Variants in TPTE2 observed in about 807,000 individuals in gnomAD.
The protein encoded by TPTE2 is phosphatidylinositol 3,4,5-trisphosphate 3-phosphatase TPTE2.
TPTE2 carries 53 observed loss-of-function variants against 78.6 expected under a neutral mutation model. The observed-to-expected ratio is 0.67, with a 90% CI of 0.54 to 0.85. The LOEUF is 0.85. Ranked by LOEUF, TPTE2 falls within the 40% of genes least tolerant of loss-of-function variation. The pLI is 0.00. For synonymous variants in TPTE2, 175 were observed against 206.2 expected (o/e 0.85, Z 1.30); for missense variants, 461 against 623.0 (o/e 0.74, Z 2.77).
exon 16 of TPTE2, chr13:19,432,564 T>C (rs1421819896): frequency 2.5e-6 from 4 of 1,598,398 alleles, no homozygotes; most frequent in Non-Finnish European, 2.6e-6. Flanking sequence ...GTGCAAAATA[T>C]CCAACATATC....
chr13:19,499,429 C>A (rs1881615350), intron 1 of TPTE2, among the ~76,000 whole-genome samples: 1 of 147,254 alleles, frequency 6.8e-6, no homozygotes, highest in African/African-American at 2.5e-5. Context: ...TGTAAAAGAA[C>A]AGAAATTATA....
chr13:19,545,505 C>G, the TPTE2 span, among the ~76,000 whole-genome samples: 2 of 152,184 alleles, frequency 1.3e-5, no homozygotes, highest in African/African-American at 4.8e-5. Flanking sequence ...AATGGTGAGA[C>G]AGCCCCCTCA....
intron 4 of TPTE2, among the ~76,000 whole-genome samples, chr13:19,476,184 C>A (rs1029300995): frequency 6.6e-6 from 1 of 152,014 alleles, no homozygotes; most frequent in Non-Finnish European, 1.5e-5. Context: ...AGATATACTT[C>A]AAAGGACAAA....
intron 17 of TPTE2, 37 bp from the exon 21 acceptor site, chr13:19,426,554 T>C (rs780742050): frequency 1.6e-6 from 2 of 1,278,394 alleles, no homozygotes; most frequent in Non-Finnish European, 2.3e-6. Context: ...ACTACAAACC[T>C]AGATAACGAT....
chr13:19,546,760 G>A, the TPTE2 span, among the ~76,000 whole-genome samples: 1 of 151,898 alleles, frequency 6.6e-6, no homozygotes, highest in African/African-American at 2.4e-5. Flanking sequence ...AAAGTGCTGG[G>A]ACTACAGGCA....
At position 19,465,365 on chromosome 13, in the gene TPTE2, A is replaced by C. The variant is rs752958085; in HGVS notation, c.613-47T>G. The C allele has an allele frequency of 2.0e-5, 33 of 1,612,704 alleles. No homozygotes were observed. In the African/African-American group the frequency reaches 4.1e-4, roughly 20 times the overall value. Reference sequence around the variant, plus strand: ...TAGTTTGTGAAACATTCATCAACATAAAAATAAAAAACATTATACAGTATA... The same window carrying C: ...TAGTTTGTGAAACATTCATCAACATCAAAATAAAAAACATTATACAGTATA... On this transcript the variant is annotated intron_variant, in intron 8 of 19. Coordinates refer to ENST00000400230, the Ensembl canonical transcript of TPTE2.
chr13:19,482,868 T>C (rs1489868174), intron 3 of TPTE2, among the ~76,000 whole-genome samples: 2 of 151,436 alleles, frequency 1.3e-5, no homozygotes, highest in Non-Finnish European at 2.9e-5. Flanking sequence ...AATATAGGTA[T>C]AGACATATAT....
At chr13:19,559,616 T>C in the TPTE2 span, among the ~76,000 whole-genome samples, 1 of 151,606 alleles carries the variant, frequency 6.6e-6, no homozygotes, top group East Asian at 2.0e-4. Context: ...AGTCCCACTC[T>C]GCTCTGAAGA....
chr13:19,560,998 G>A, the TPTE2 span: 33 of 1,578,640 alleles, frequency 2.1e-5, no homozygotes, highest in South Asian at 3.5e-5. Flanking sequence ...AGTGGTAGCC[G>A]GAGGCCACGT....
At chr13:19,557,712 G>A in the TPTE2 span, among the ~76,000 whole-genome samples, 2 of 152,042 alleles carry the variant, frequency 1.3e-5, no homozygotes, top group South Asian at 4.2e-4. Context: ...GCAGGATCCA[G>A]GCCAATGACA....
At chr13:19,480,799 A>G (rs1460982191) in intron 4 of TPTE2, among the ~76,000 whole-genome samples, 1 of 152,200 alleles carries the variant, frequency 6.6e-6, no homozygotes, top group Non-Finnish European at 1.5e-5. Context: ...ATCAATATCA[A>G]TAGCGTCACA....
At chr13:19,463,096 G>C (rs1338250296) in intron 10 of TPTE2, among the ~76,000 whole-genome samples, 1 of 150,880 alleles carries the variant, frequency 6.6e-6, no homozygotes, top group Non-Finnish European at 1.5e-5. Flanking sequence ...CAATTCTCGT[G>C]TCTCAGCCTC....
chr13:19,465,484 T>C (rs1305168994), exon 8 of TPTE2: 2 of 1,609,524 alleles, frequency 1.2e-6, no homozygotes, highest in African/African-American at 1.3e-5. Context: ...CATCAGCTTT[T>C]CAAGTTGTCT....
In TPTE2 at chr13:19,533,211, C is replaced by T. The variant is rs1009627949; in HGVS notation, c.-44+3385G>A. Reference sequence around the variant, plus strand: ...ACAGAGAAAACTCATTAAGAGTGTCCACTCATTTGGACATACCCAGAGTCC... The same window carrying T: ...ACAGAGAAAACTCATTAAGAGTGTCTACTCATTTGGACATACCCAGAGTCC... On this transcript the variant is annotated intron_variant, in intron 1 of 17. Coordinates refer to the TPTE2 transcript ENST00000390680. 1.1e-4 allele frequency among the ~76,000 whole-genome samples: 17 copies of T among 152,172 alleles called. 1 individual carries two copies. The highest frequency in any genetic ancestry group is 4.1e-4 in the African/African-American group (17 of 41,502).
intron 1 of TPTE2, among the ~76,000 whole-genome samples, chr13:19,500,402 T>C (rs1449362969): frequency 6.6e-6 from 1 of 152,058 alleles, no homozygotes; most frequent in South Asian, 2.1e-4. Context: ...AAATCCTCAA[T>C]ACAATACTGG....
At chr13:19,503,395 G>T, upstream of TPTE2, 1 of 1,051,458 alleles carries the variant, frequency 9.5e-7, no homozygotes, top group Non-Finnish European at 1.4e-6. Context: ...CTATTCATGT[G>T]TATAGCACTA....
At position 19,430,513 on chromosome 13, in the gene TPTE2, CAT is replaced by C; in HGVS notation, c.1255_1256del (p.Met419GlyfsTer19). On this transcript the variant is annotated frameshift_variant, in exon 17 of 20. Transcript: ENST00000400230. LOFTEE classifies it high-confidence loss of function. ...TACTGGAAAAGACAACCTTTTTCTC[CAT>C]TACTACTTGGACTTTTAGATCACAT... The C allele has an allele frequency of 6.2e-7, 1 of 1,610,818 alleles. No homozygotes were observed. The highest frequency in any genetic ancestry group is 2.2e-5 in the East Asian group (1 of 44,754).
chr13:19,440,654 C>T (rs888299009), intron 13 of TPTE2, among the ~76,000 whole-genome samples: 1 of 152,066 alleles, frequency 6.6e-6, no homozygotes, highest in African/African-American at 2.4e-5. Context: ...CCTGTAATCC[C>T]AGTGACTCAG....
intron 13 of TPTE2, among the ~76,000 whole-genome samples, chr13:19,439,964 C>T: frequency 6.6e-6 from 1 of 152,038 alleles, no homozygotes; most frequent in Non-Finnish European, 1.5e-5. Context: ...TGTAAAGTGA[C>T]CAAACCTACG....
Sources: allele counts gnomAD v4.1 joint callset (sites outside exome capture counted in the v4.1 genomes callset), GRCh38; gene constraint gnomAD v4.1.1; transcripts MANE v1.5; gene names NCBI Gene and HGNC (gene_info 2026-07-23, HGNC 2026-07-21).